Variants in RSRC1 observed in about 807,000 individuals in gnomAD.
RSRC1 encodes the protein arginine and serine rich coiled-coil 1, also known as serine/Arginine-related protein 53.
In RSRC1, 39 loss-of-function variants were observed where a neutral mutation model predicts 49.1. The observed-to-expected ratio is 0.79, with a 90% CI of 0.61 to 1.04. The LOEUF is 1.04. RSRC1 is among the 50% of genes least tolerant of loss of function. The probability of loss-of-function intolerance (pLI) is 0.00; values close to 1 mark genes in which losing one functional copy is unlikely to be tolerated. For missense variants in RSRC1, 388 were observed against 402.4 expected (o/e 0.96, Z 0.31); for synonymous variants, 143 against 130.8 (o/e 1.09, Z -0.63).
intron 4 of RSRC1, among the ~76,000 whole-genome samples, chr3:158,289,858 T>C (rs1726811840): frequency 6.6e-6 from 1 of 152,208 alleles, no homozygotes; most frequent in Non-Finnish European, 1.5e-5. Context: ...AAGAATGTCC[T>C]TATATCAGGA....
chr3:158,252,146 G>T (rs1724246066), intron 4 of RSRC1, among the ~76,000 whole-genome samples: 1 of 151,186 alleles, frequency 6.6e-6, no homozygotes, highest in South Asian at 2.1e-4. Flanking sequence ...AATCTCACTT[G>T]GTCATGATGA....
At chr3:158,363,517 G>A (rs966539439) in intron 6 of RSRC1, among the ~76,000 whole-genome samples, 5 of 151,996 alleles carry the variant, frequency 3.3e-5, no homozygotes, top group Admixed American at 2.0e-4. Context: ...TGACCGCCTC[G>A]GCCTCCCAAA....
At position 158,198,195 on chromosome 3, in the gene RSRC1, T is replaced by C. The variant is rs544572978; in HGVS notation, c.321-4877T>C. ...TGCTCCTGTATTGGGTGCATATATATTTAGGATAGTTAGCTCTTCTTGTTG... is the reference window on the plus strand; with the variant it reads ...TGCTCCTGTATTGGGTGCATATATACTTAGGATAGTTAGCTCTTCTTGTTG... On this transcript the variant is annotated intron_variant, in intron 3 of 9. Transcript: ENST00000611884. 3.3e-5 allele frequency among the ~76,000 whole-genome samples: 5 copies of C among 152,270 alleles called. No individual in the cohort carries two copies. The South Asian group carries it at 1.0e-3, about 32-fold the overall frequency.
At chr3:158,439,452 G>A (rs1736251222) in intron 6 of RSRC1, among the ~76,000 whole-genome samples, 1 of 152,070 alleles carries the variant, frequency 6.6e-6, no homozygotes, top group Admixed American at 6.6e-5. Flanking sequence ...AAGAAAATAT[G>A]GCACATATAC....
chr3:158,332,996 T>C (rs1729643622), intron 5 of RSRC1, among the ~76,000 whole-genome samples: 1 of 147,430 alleles, frequency 6.8e-6, no homozygotes, highest in Non-Finnish European at 1.5e-5. Flanking sequence ...TGAGACAGAG[T>C]CTCGCTCTTT....
chr3:158,350,651 TTAAG>T (rs758292209), intron 5 of RSRC1, among the ~76,000 whole-genome samples: 5 of 152,230 alleles, frequency 3.3e-5, no homozygotes, highest in Non-Finnish European at 5.9e-5. Context: ...TTTTTTCTCA[TTAAG>T]TTTCTATCAT....
intron 5 of RSRC1, among the ~76,000 whole-genome samples, chr3:158,304,328 AAATC>A (rs1362620386): frequency 1.3e-5 from 2 of 152,140 alleles, no homozygotes; most frequent in East Asian, 3.9e-4. Flanking sequence ...TAGGACTTGA[AAATC>A]AAACTGCTGT....
At chr3:158,535,133 A>G (rs983065417) in intron 7 of RSRC1, among the ~76,000 whole-genome samples, 1 of 151,480 alleles carries the variant, frequency 6.6e-6, no homozygotes, top group African/African-American at 2.4e-5. Flanking sequence ...AATTGATAGC[A>G]TAATTATGCA....
rs866865132 is a variant in RSRC1, at chr3:158,239,842, A to T, written c.494+36597A>T. Among the ~76,000 whole-genome samples the T allele has an allele frequency of 3.9e-3, 591 of 152,052 alleles. 5 individuals are homozygous for T. The highest frequency in any genetic ancestry group is 0.013 in the African/African-American group (556 of 41,504). On this transcript the variant is annotated intron_variant, in intron 4 of 9. Transcript: ENST00000611884. ...CTCCCAGTTTGTGGCTTGCCTATTT[A>T]TTTTCTTAACAATAAAAGAAAGAAT... is the stretch of plus-strand genomic sequence containing the variant.
chr3:158,184,163 T>C (rs1719792504), intron 3 of RSRC1, among the ~76,000 whole-genome samples: 2 of 152,074 alleles, frequency 1.3e-5, no homozygotes, highest in South Asian at 4.1e-4. Flanking sequence ...TTCAGTTAAC[T>C]AAGATGCTCT....
intron 5 of RSRC1, chr3:158,302,678 T>TTTTTTTTTTTG: frequency 6.8e-6 from 1 of 147,414 alleles, no homozygotes; most frequent in Non-Finnish European, 1.5e-5. Flanking sequence ...TTTTTTTTTT[T>TTTTTTTTTTTG]GAGATGGGAG....
chr3:158,200,548 CCTT>C (rs1228100362), intron 3 of RSRC1, among the ~76,000 whole-genome samples: 2 of 151,616 alleles, frequency 1.3e-5, no homozygotes, highest in Non-Finnish European at 2.9e-5. Context: ...TATGTCTTTC[CCTT>C]CTTTTTTCTT....
rs569701962 is a variant in RSRC1 at position 158,331,235 on chromosome 3, T to C, written c.532-23622T>C. On this transcript the variant is annotated intron_variant, in intron 5 of 9. Transcript: ENST00000611884. ...ATCATTGGCTAGAATTAGCTGTCATTTATATTTTTCACATTTACATATTTT... is the reference window on the plus strand; with the variant it reads ...ATCATTGGCTAGAATTAGCTGTCATCTATATTTTTCACATTTACATATTTT... Among the ~76,000 whole-genome samples, 9 of 152,344 alleles carry C rather than the reference T, an allele frequency of 5.9e-5. No homozygotes were observed. The South Asian group carries it at 1.9e-3, about 32-fold the overall frequency.
intron 6 of RSRC1, among the ~76,000 whole-genome samples, chr3:158,448,870 A>G (rs1296992235): frequency 6.6e-6 from 1 of 151,988 alleles, no homozygotes; most frequent in Non-Finnish European, 1.5e-5. Context: ...TAAAATAGTA[A>G]AGGAAAAAGC....
chr3:158,304,319 A>G (rs888792368), intron 5 of RSRC1, among the ~76,000 whole-genome samples: 9 of 152,172 alleles, frequency 5.9e-5, no homozygotes, highest in Non-Finnish European at 1.3e-4. Context: ...TATTTTACAT[A>G]GGACTTGAAA....
At chr3:158,411,517 T>G (rs570456467) in intron 6 of RSRC1, among the ~76,000 whole-genome samples, 113 of 151,826 alleles carry the variant, frequency 7.4e-4, no homozygotes, top group African/African-American at 2.3e-3. Flanking sequence ...TCTCTTTTTT[T>G]TTTGTTTGTT....
chr3:158,246,646 G>A (rs1009076059), intron 4 of RSRC1, among the ~76,000 whole-genome samples: 1 of 152,146 alleles, frequency 6.6e-6, no homozygotes, highest in African/African-American at 2.4e-5. Flanking sequence ...ATGAAGTTTA[G>A]TTTGGTCGGA....
intron 3 of RSRC1, among the ~76,000 whole-genome samples, chr3:158,155,734 C>T (rs1717837115): frequency 6.6e-6 from 1 of 152,002 alleles, no homozygotes; most frequent in Non-Finnish European, 1.5e-5. Context: ...TGAGCCACCA[C>T]ACCCAGCCAT....
At chr3:158,369,983 A>G (rs929299460) in intron 6 of RSRC1, among the ~76,000 whole-genome samples, 1 of 151,976 alleles carries the variant, frequency 6.6e-6, no homozygotes, top group African/African-American at 2.4e-5. Context: ...CTTTTTTAAA[A>G]TAATATACAT....
Sources: allele counts gnomAD v4.1 joint callset (sites outside exome capture counted in the v4.1 genomes callset), GRCh38; gene constraint gnomAD v4.1.1; transcripts MANE v1.5; gene names NCBI Gene and HGNC (gene_info 2026-07-23, HGNC 2026-07-21).